BBOF1: variants seen among roughly 807,000 people sequenced by gnomAD.
BBOF1 encodes the protein basal body-orientation factor 1.
Under a neutral mutation model 68.0 loss-of-function variants are expected in BBOF1, and 62 were observed. The ratio of observed to expected loss-of-function variants is 0.91; its 90% confidence interval spans 0.74 to 1.13. The LOEUF is 1.13. Ranked by LOEUF, BBOF1 falls within the 50% of genes most tolerant of loss-of-function variation. The probability of loss-of-function intolerance (pLI) is 0.00; values close to 1 mark genes in which losing one functional copy is unlikely to be tolerated. For missense variants in BBOF1, 534 were observed against 600.1 expected (o/e 0.89, Z 1.15); for synonymous variants, 208 against 198.8 (o/e 1.05, Z -0.39).
chr14:74,042,069 TG>T (rs1307973905), intron 5 of BBOF1, among the ~76,000 whole-genome samples: 1 of 152,080 alleles, frequency 6.6e-6, no homozygotes, highest in Non-Finnish European at 1.5e-5. Flanking sequence ...AAAACTGAAA[TG>T]GGGTCTCATT....
intron 3 of BBOF1, among the ~76,000 whole-genome samples, chr14:74,029,744 A>G (rs1374628146): frequency 1.3e-5 from 2 of 152,110 alleles, no homozygotes; most frequent in Non-Finnish European, 2.9e-5. Flanking sequence ...AAAAAACCAT[A>G]TAATATTAAG....
In BBOF1 at chr14:74,048,881, G is replaced by T. The variant is rs145923644; in HGVS notation, c.792+807G>T. Among the ~76,000 whole-genome samples the T allele has an allele frequency of 2.8e-3, 425 of 152,044 alleles. 1 individual carries two copies. The highest frequency in any genetic ancestry group is 9.3e-3 in the African/African-American group (387 of 41,484). On this transcript the variant is annotated intron_variant, in intron 7 of 11. Coordinates refer to ENST00000394009, the MANE Select transcript of BBOF1 (RefSeq NM_025057.3). Reference sequence around the variant, plus strand: ...ATTAATGTTTTACTATATAGTTATAGAGAGAGAGAGAAAGACGGAGTCTCA... The same window carrying T: ...ATTAATGTTTTACTATATAGTTATATAGAGAGAGAGAAAGACGGAGTCTCA...
chr14:74,034,025 C>T lies in BBOF1; in HGVS notation c.352-3C>T, dbSNP rs2059641044. The stretch of plus-strand genomic sequence containing the variant: ...AACTCGTTTACCTCTTTTTTGAATA[C>T]AGGAACAAAAGTATACCAGGCAAAT... On this transcript the variant is annotated splice_polypyrimidine_tract_variant and splice_region_variant and intron_variant, in intron 3 of 11. Transcript: ENST00000394009. 1 of 1,580,336 alleles carries T rather than the reference C, an allele frequency of 6.3e-7. No individual in the cohort carries two copies.
At chr14:74,054,040 A>C (rs1282211368) in intron 8 of BBOF1, among the ~76,000 whole-genome samples, 3 of 151,960 alleles carry the variant, frequency 2.0e-5, no homozygotes, top group African/African-American at 4.8e-5. Flanking sequence ...ATGCCCGGCT[A>C]ATTTTTTTGT....
intron 1 of BBOF1, 48 bp downstream of exon 1, chr14:74,019,582 A>G: frequency 1.3e-6 from 2 of 1,553,402 alleles, no homozygotes; most frequent in Non-Finnish European, 1.7e-6. Flanking sequence ...CCTGCCTGGG[A>G]TTTCGGGTCT....
chr14:74,065,376 C>T lies in BBOF1; in HGVS notation c.*677C>T. ...TCATATTTGGCTGCCAGGAGTGATG[C>T]ATCCAGAAAAGAAGTCAGCTTTTTG... On this transcript the variant is annotated 3_prime_UTR_variant, in exon 12 of 12. Transcript: ENST00000394009. 6.2e-7 allele frequency: 1 copy of T among 1,613,132 alleles called. No individual in the cohort carries two copies. Among genetic ancestry groups the T allele is most frequent in the Non-Finnish European group, 8.5e-7 (1 of 1,179,686 alleles).
intron 6 of BBOF1, 73 bp downstream of exon 6, chr14:74,046,203 T>C: frequency 7.5e-7 from 1 of 1,330,252 alleles, no homozygotes; most frequent in Non-Finnish European, 1.0e-6. Flanking sequence ...TTCTTCTTAC[T>C]TTCTTGTCTT....
intron 11 of BBOF1, chr14:74,057,963 A>C (rs1321868039): frequency 2.2e-6 from 2 of 894,698 alleles, no homozygotes; most frequent in Middle Eastern, 5.6e-4. Flanking sequence ...GACTACATTT[A>C]ATTCCACTTG....
chr14:74,025,880 C>A (rs1218553794), intron 2 of BBOF1, among the ~76,000 whole-genome samples: 1 of 151,284 alleles, frequency 6.6e-6, no homozygotes, highest in Non-Finnish European at 1.5e-5. Context: ...GTAATCCCAG[C>A]ACTTTGGGAG....
Position 74,049,769 on chromosome 14 carries a change from C to T in BBOF1, c.860C>T (p.Thr287Ile). 1 of 1,614,046 alleles carries T rather than the reference C, an allele frequency of 6.2e-7. No individual in the cohort carries two copies. Among genetic ancestry groups the T allele is most frequent in the Non-Finnish European group, 8.5e-7 (1 of 1,179,948 alleles). Residue 287 changes from threonine to isoleucine, a missense_variant, in exon 8 of 12, where the codon ACC becomes ATC. Thr to Ile is a moderately conservative substitution (Grantham distance 89). Transcript: ENST00000394009. Reference protein sequence around the residue: ...QLVQQRSQIQTLQKKVVNLET... With the variant: ...QLVQQRSQIQILQKKVVNLET... ...GTCCAGCAGAGATCACAAATCCAAA[C>T]CCTTCAGAAGAAGGTAGTAAACTTG...
At position 74,019,369 on chromosome 14, in the gene BBOF1, G is replaced by A. The variant is rs2140915426; in HGVS notation, c.-110G>A. The stretch of plus-strand genomic sequence containing the variant: ...CGTGCGCTCTCCGCGCGCCGTCAGC[G>A]GCGCGGGTGGGGCATTGCCAGCTCG... On this transcript the variant is annotated 5_prime_UTR_variant, in exon 1 of 12. Coordinates refer to ENST00000394009, the MANE Select transcript of BBOF1 (RefSeq NM_025057.3). The A allele has an allele frequency of 7.3e-7, 1 of 1,367,084 alleles. No individual in the cohort carries two copies. The highest frequency in any genetic ancestry group is 3.3e-5 in the Admixed American group (1 of 30,422). The allele number at this position is 1,367,084 out of a possible 1,614,324, so 84.7% of individuals were successfully genotyped here.
intron 2 of BBOF1, among the ~76,000 whole-genome samples, chr14:74,024,334 T>C (rs548081431): frequency 1.1e-4 from 16 of 152,224 alleles, no homozygotes; most frequent in African/African-American, 3.1e-4. Flanking sequence ...TGTGCACCTG[T>C]AGTCCCAGCT....
intron 4 of BBOF1, among the ~76,000 whole-genome samples, chr14:74,038,469 G>A (rs984752337): frequency 6.6e-6 from 1 of 152,118 alleles, no homozygotes; most frequent in Non-Finnish European, 1.5e-5. Context: ...TTCAAAGTGG[G>A]CCTTTGAGGA....
intron 9 of BBOF1, chr14:74,071,786 TG>T (rs2060552889): frequency 4.0e-6 from 6 of 1,483,462 alleles, no homozygotes; most frequent in Non-Finnish European, 4.7e-6. Flanking sequence ...AAAGATATCA[TG>T]GGATGGCAAA....
Position 74,065,515 on chromosome 14 carries a change from G to T in BBOF1, c.*816G>T. On this transcript the variant is annotated 3_prime_UTR_variant, in exon 12 of 12. Transcript: ENST00000394009. ...TTCAAATCACCTATTTAAAAAAAAA[G>T]TCCTCTCTCAAGTGTATTCCGTCTT... The T allele has an allele frequency of 1.3e-6, 1 of 746,102 alleles. No individual in the cohort carries two copies. The highest frequency in any genetic ancestry group is 2.2e-6 in the Non-Finnish European group (1 of 452,310). The allele number at this position is 746,102 out of a possible 1,614,324, so 46.2% of individuals were successfully genotyped here.
At chr14:74,030,937 TATAGAG>T (rs1360666177) in intron 3 of BBOF1, among the ~76,000 whole-genome samples, 1 of 146,270 alleles carries the variant, frequency 6.8e-6, no homozygotes, top group African/African-American at 2.5e-5. Context: ...TATATATATA[TATAGAG>T]AGAGAGAGAT....
At chr14:74,075,050 T>C (rs1595130156) in intron 9 of BBOF1, 3 of 1,604,396 alleles carry the variant, frequency 1.9e-6, no homozygotes, top group Non-Finnish European at 2.6e-6. Flanking sequence ...TTTTGATAAA[T>C]GAGAGCAGAA....
At chr14:74,033,836 A>G (rs1170847067) in intron 3 of BBOF1, among the ~76,000 whole-genome samples, 192 bp from the exon 4 acceptor site, 5 of 152,108 alleles carry the variant, frequency 3.3e-5, no homozygotes, top group Admixed American at 2.6e-4. Flanking sequence ...ATCGCACTCC[A>G]GCCTGGGCGA....
chr14:74,062,368 G>A (rs1397811890), intron 11 of BBOF1, among the ~76,000 whole-genome samples: 2 of 152,006 alleles, frequency 1.3e-5, no homozygotes, highest in Admixed American at 6.6e-5. Flanking sequence ...TTGGGAGGCC[G>A]AGGCAGGCAG....
Sources: allele counts gnomAD v4.1 joint callset (sites outside exome capture counted in the v4.1 genomes callset), GRCh38; gene constraint gnomAD v4.1.1; transcripts MANE v1.5; gene names NCBI Gene and HGNC (gene_info 2026-07-23, HGNC 2026-07-21).